Variants in OR1R1 observed in about 807,000 individuals in gnomAD.
OR1R1 encodes the protein olfactory receptor 1R1.
chr17:3,386,609 G>A, the OR1R1 span: 1 of 398,712 alleles, frequency 2.5e-6, no homozygotes, highest in East Asian at 3.6e-5. Context: ...CGCGGTGCTC[G>A]GCTTGCCGGC....
At chr17:3,386,253 C>G in the OR1R1 span, 3 of 398,626 alleles carry the variant, frequency 7.5e-6, no homozygotes, top group Admixed American at 4.4e-5. Context: ...TGGCTCTGGG[C>G]ATCACCGAGA....
chr17:3,386,603 G>A, the OR1R1 span: 2 of 398,672 alleles, frequency 5.0e-6, no homozygotes, highest in Non-Finnish European at 8.8e-6. Flanking sequence ...CCTGGTCGCG[G>A]TGCTCGGCTT....
At chr17:3,386,295 C>T in the OR1R1 span, 4 of 398,440 alleles carry the variant, frequency 1.0e-5, no homozygotes, top group Admixed American at 4.4e-5. Flanking sequence ...CCTACGACCG[C>T]CCGACGGCGG....
At chr17:3,386,658 A>AGTGGCG in the OR1R1 span, 166,070 of 397,516 alleles carry the variant, frequency 0.42, 35,694 homozygotes, top group Admixed American at 0.59. Flanking sequence ...GGGCCCACCT[A>AGTGGCG]GTGGCGGTGG....
chr17:3,386,117 T>G, the OR1R1 span: 1 of 398,860 alleles, frequency 2.5e-6, no homozygotes, highest in Admixed American at 4.4e-5. Flanking sequence ...TATTACTTCT[T>G]GGGTCACCTG....
At chr17:3,385,972 C>T in the OR1R1 span, 3 of 386,452 alleles carry the variant, frequency 7.8e-6, no homozygotes, top group Non-Finnish European at 1.4e-5. Context: ...GTTCCTCCTC[C>T]TCGGCCTGGT....
chr17:3,386,560 C>T, the OR1R1 span: 1 of 398,484 alleles, frequency 2.5e-6, no homozygotes, highest in Non-Finnish European at 4.4e-6. Flanking sequence ...GTTGGCCCCG[C>T]TGCTCCTCGT....
the OR1R1 span, chr17:3,386,351 G>C: frequency 2.5e-6 from 1 of 398,346 alleles, no homozygotes. Flanking sequence ...CCATGGCGCT[G>C]CGCCTCGCTG....
chr17:3,386,402 T>A, the OR1R1 span: 1 of 398,486 alleles, frequency 2.5e-6, no homozygotes, highest in Non-Finnish European at 4.4e-6. Flanking sequence ...CACTCGCTGC[T>A]GCACACGCTG....
the OR1R1 span, chr17:3,386,751 C>T: frequency 2.5e-6 from 1 of 398,662 alleles, no homozygotes; most frequent in Non-Finnish European, 4.4e-6. Flanking sequence ...ACCGCCTGGC[C>T]AGCGTGGTCT....
chr17:3,386,701 G>A, the OR1R1 span: 10 of 398,500 alleles, frequency 2.5e-5, no homozygotes, highest in Non-Finnish European at 4.0e-5. Flanking sequence ...TGTCCTCTCC[G>A]TGTATTTCCC....
the OR1R1 span, chr17:3,386,384 C>G: frequency 2.3e-5 from 9 of 398,242 alleles, no homozygotes; most frequent in Non-Finnish European, 3.5e-5. Flanking sequence ...TGGGCCGTGA[C>G]GCACCTGCAC....
chr17:3,386,578 T>C, the OR1R1 span: 2 of 398,300 alleles, frequency 5.0e-6, no homozygotes, highest in Non-Finnish European at 8.9e-6. Context: ...CGTGTTCCTT[T>C]TCCTACGCGC....
At chr17:3,386,690 C>T in the OR1R1 span, 13 of 398,288 alleles carry the variant, frequency 3.3e-5, no homozygotes, top group South Asian at 1.3e-4. Context: ...TTCTTTGGCT[C>T]TGTCCTCTCC....
the OR1R1 span, chr17:3,386,049 G>A: frequency 1.0e-5 from 4 of 398,596 alleles, no homozygotes; most frequent in Non-Finnish European, 1.8e-5. Context: ...TCAACGCCCT[G>A]AGCAACCTGA....
chr17:3,386,262 G>C, the OR1R1 span: 1 of 398,754 alleles, frequency 2.5e-6, no homozygotes. Context: ...GCATCACCGA[G>C]AGCTACCTCC....
the OR1R1 span, chr17:3,386,028 CATCT>C: frequency 5.0e-6 from 2 of 398,778 alleles, no homozygotes; most frequent in South Asian, 2.5e-4. Context: ...TCTGCCTTGG[CATCT>C]ATCTGCTCAA....
chr17:3,386,305 G>A, the OR1R1 span: 11 of 398,288 alleles, frequency 2.8e-5, no homozygotes, highest in Non-Finnish European at 4.4e-6. Context: ...CCCGACGGCG[G>A]CGTGCCGGCC....
the OR1R1 span, chr17:3,386,778 G>A: frequency 5.0e-6 from 2 of 398,564 alleles, no homozygotes; most frequent in Non-Finnish European, 8.8e-6. Context: ...TCATCACGCC[G>A]ACCTTGAACC....
Sources: gnomAD v4.1 joint callset for allele counts on GRCh38, gnomAD v4.1.1 for gene constraint, MANE v1.5 for transcripts, NCBI Gene and HGNC (gene_info 2026-07-23, HGNC 2026-07-21) for gene names.